Variants in DMBT1 observed in about 807,000 individuals in gnomAD.
The protein encoded by DMBT1 is deleted in malignant brain tumors 1.
In DMBT1, 198 loss-of-function variants were observed where a neutral mutation model predicts 252.9. The ratio of observed to expected loss-of-function variants is 0.78; its 90% CI spans 0.70 to 0.88. DMBT1 has a LOEUF of 0.88. DMBT1 is among the 40% of genes least tolerant of loss of function. The probability of loss-of-function intolerance (pLI) is 0.00; values close to 1 mark genes in which losing one functional copy is unlikely to be tolerated. For synonymous variants in DMBT1, 990 were observed against 942.7 expected (o/e 1.05, Z -0.92); for missense variants, 2,432 against 2,404.7 (o/e 1.01, Z -0.24).
At position 122,597,050 on chromosome 10, in the gene DMBT1, T is replaced by TGAGAGGCCCAGG. The variant is rs778333384; in HGVS notation, c.2913_2914insGAGAGGCCCAGG (p.Ser971_Pro972insGluArgProArg). 1.6e-4 allele frequency: 93 copies of TGAGAGGCCCAGG among 566,964 alleles called. No homozygotes were observed. The highest frequency in any genetic ancestry group is 5.5e-4 in the South Asian group (23 of 42,094). 35.1% of individuals were successfully genotyped at this position (566,964 alleles called of 1,614,324 possible). ...CTGCCCACTCCTGGTCGACGCCCAGTCCAGGTGAGTCCCCAGTGTCCTTCC... is the reference window on the plus strand; with the variant it reads ...CTGCCCACTCCTGGTCGACGCCCAGTGAGAGGCCCAGGCCAGGTGAGTCCCCAGTGTCCTTCC... On this transcript the variant is annotated inframe_insertion, in exon 24 of 56. Transcript: ENST00000338354.
intron 44 of DMBT1, 21 bp from the exon 45 acceptor site, chr10:122,625,256 G>T: frequency 6.2e-7 from 1 of 1,609,318 alleles, no homozygotes; most frequent in South Asian, 1.1e-5. Context: ...ACTGACTCAT[G>T]TTTTCTTCTT....
chr10:122,637,839 T>G (rs955148410), intron 54 of DMBT1, among the ~76,000 whole-genome samples: 7 of 152,248 alleles, frequency 4.6e-5, no homozygotes, highest in Non-Finnish European at 1.0e-4. Context: ...CATAGTCAGC[T>G]GGCCTCTGCA....
At chr10:122,625,818 G>A (rs2098114767) in intron 45 of DMBT1, 115 bp from the exon 46 acceptor site, 5 of 864,884 alleles carry the variant, frequency 5.8e-6, no homozygotes, top group Non-Finnish European at 7.9e-6. Flanking sequence ...GAATGGTCAA[G>A]GCTCTGAGAA....
chr10:122,630,138 C>T, intron 47 of DMBT1, 145 bp downstream of exon 47: 1 of 1,369,248 alleles, frequency 7.3e-7, no homozygotes. Context: ...CATAAAGCAT[C>T]AGGGAACACT....
rs113615314 is a variant in DMBT1, at chr10:122,571,442, T to C, written c.187+505T>C. ...AGGCTTTGGAGGATGGGGGAACTGC[T>C]GGTTCTTAAGACATAAAGGTATCCC... is the stretch of plus-strand genomic sequence containing the variant. On this transcript the variant is annotated intron_variant, in intron 4 of 55. Transcript: ENST00000338354. 1.8e-3 allele frequency among the ~76,000 whole-genome samples: 280 copies of C among 152,282 alleles called. 2 individuals carry two copies. The highest frequency in any genetic ancestry group is 6.4e-3 in the African/African-American group (266 of 41,554).
chr10:122,625,141 T>C, intron 44 of DMBT1, 136 bp from the exon 45 acceptor site: 1 of 804,206 alleles, frequency 1.2e-6, no homozygotes, highest in Non-Finnish European at 2.1e-6. Flanking sequence ...TTAAGGTTTA[T>C]ATCTACTATT....
chr10:122,620,133 C>T, intron 42 of DMBT1, 120 bp from the exon 43 acceptor site: 1 of 1,048,160 alleles, frequency 9.5e-7, no homozygotes, highest in South Asian at 1.3e-5. Context: ...GCACTTGGAG[C>T]AAGTGGCAGG....
intron 10 of DMBT1, among the ~76,000 whole-genome samples, chr10:122,580,346 G>A (rs2097757381): frequency 6.6e-6 from 1 of 152,226 alleles, no homozygotes; most frequent in Non-Finnish European, 1.5e-5. Flanking sequence ...AGAGGCTCAA[G>A]GGTTAGGAGT....
intron 46 of DMBT1, among the ~76,000 whole-genome samples, chr10:122,626,508 A>C (rs556721621): frequency 1.2e-4 from 19 of 152,308 alleles, no homozygotes; most frequent in Middle Eastern, 6.8e-3. Context: ...ATACCTCACT[A>C]ATTTTTCCTT....
intron 54 of DMBT1, among the ~76,000 whole-genome samples, chr10:122,638,613 C>A (rs28410743): frequency 0.095 from 14,445 of 152,078 alleles, 764 homozygotes; most frequent in South Asian, 0.19. Flanking sequence ...AGCTAATTAA[C>A]AAATTTTTTT....
At chr10:122,592,251 G>C in intron 19 of DMBT1, 21 bp from the exon 20 acceptor site, 5 of 1,584,782 alleles carry the variant, frequency 3.2e-6, no homozygotes, top group Non-Finnish European at 4.3e-6. Context: ...ATGGATAAAG[G>C]GTTCTTGTGT....
chr10:122,629,707 T>C, intron 46 of DMBT1, 133 bp from the exon 47 acceptor site: 1 of 1,104,714 alleles, frequency 9.1e-7, no homozygotes, highest in Non-Finnish European at 1.3e-6. Context: ...GAGAGGGGAC[T>C]TGTTTACAGG....
chr10:122,620,329 C>A, intron 43 of DMBT1, 38 bp downstream of exon 43: 1 of 1,608,584 alleles, frequency 6.2e-7, no homozygotes, highest in Non-Finnish European at 8.5e-7. Flanking sequence ...GGCTCACTCT[C>A]TACCTCTGGA....
intron 42 of DMBT1, among the ~76,000 whole-genome samples, chr10:122,619,752 A>G (rs113681994): frequency 0.06 from 9,193 of 152,312 alleles, 311 homozygotes; most frequent in South Asian, 0.13. Flanking sequence ...ATGTCAGTGC[A>G]GGCCTGATAC....
Position 122,579,643 on chromosome 10 carries a change from G to T in DMBT1, c.745G>T (p.Val249Phe), listed in dbSNP as rs778048506. The change falls in exon 10 of 56, where the codon GTC becomes TTC. Residue 249 changes from valine to phenylalanine, a missense_variant. Val to Phe is a conservative substitution (Grantham distance 50, BLOSUM62 -1). This residue lies in a region of DMBT1 where 1,264 missense variants were observed against 1,082.2 expected (regional missense o/e 1.17). Transcript: ENST00000338354. ...GGDRCRGRVE[V>F]LYRGSWGTVC... ...CGACAGGTGTCGAGGCCGAGTGGAG[G>T]TCCTATACCGAGGCTCCTGGGGCAC... 1.2e-6 allele frequency: 2 copies of T among 1,613,710 alleles called. No homozygotes were observed. Among genetic ancestry groups the T allele is most frequent in the Admixed American group, 1.7e-5 (1 of 60,004 alleles).
At chr10:122,599,221 G>A in intron 26 of DMBT1, 124 bp downstream of exon 26, 2 of 1,521,146 alleles carry the variant, frequency 1.3e-6, no homozygotes, top group Admixed American at 4.2e-5. Context: ...CTGAAGACTT[G>A]TTAGCTCTCT....
Position 122,579,669 on chromosome 10 carries a change from C to A in DMBT1, c.771C>A (p.Thr257=). 6.2e-7 allele frequency: 1 copy of A among 1,613,804 alleles called. No homozygotes were observed. Among genetic ancestry groups the A allele is most frequent in the East Asian group, 2.2e-5 (1 of 44,860 alleles). The part of the protein sequence containing the change: ...VEVLYRGSWG[T]VCDDYWDTND... ...TCCTATACCGAGGCTCCTGGGGCAC[C>A]GTGTGTGATGACTACTGGGACACCA... The change falls in exon 10 of 56, where the codon ACC becomes ACA. Residue 257 remains threonine, a synonymous_variant. Transcript: ENST00000338354.
chr10:122,623,806 C>T (rs910988375), intron 44 of DMBT1, among the ~76,000 whole-genome samples: 2 of 152,210 alleles, frequency 1.3e-5, no homozygotes, highest in South Asian at 4.1e-4. Context: ...TTCAGGTACA[C>T]AGAGGGATCA....
intron 46 of DMBT1, among the ~76,000 whole-genome samples, chr10:122,629,141 C>T (rs749135568): frequency 2.6e-5 from 4 of 152,164 alleles, no homozygotes; most frequent in Non-Finnish European, 5.9e-5. Flanking sequence ...ATGTGCCTGG[C>T]ACTCTCTAAG....
Sources: gnomAD v4.1 joint callset for allele counts (sites outside exome capture counted in the v4.1 genomes callset) on GRCh38, gnomAD v4.1.1 for gene constraint, gnomAD v4.1.1 regional missense constraint, MANE v1.5 for transcripts, NCBI Gene and HGNC (gene_info 2026-07-23, HGNC 2026-07-21) for gene names.